Variants in SMAD7 observed in about 807,000 individuals in gnomAD.
SMAD7 encodes the protein SMAD family member 7, also known as MAD (mothers against decapentaplegic, Drosophila) homolog 7.
SMAD7 carries 8 observed loss-of-function variants against 38.7 expected under a neutral mutation model. The observed-to-expected ratio is 0.21, with a 90% confidence interval of 0.12 to 0.37. The LOEUF (loss-of-function observed/expected upper bound fraction) is 0.37, where lower values mean the gene tolerates loss of function less well. SMAD7 is among the 10% of genes least tolerant of loss of function. SMAD7 has a pLI of 1.00. For missense variants in SMAD7, 477 were observed against 577.9 expected (o/e 0.83, Z 1.79); for synonymous variants, 327 against 265.1 (o/e 1.23, Z -2.27).
At chr18:48,945,330 C>T (rs1342435887) in intron 2 of SMAD7, among the ~76,000 whole-genome samples, 9 of 152,104 alleles carry the variant, frequency 5.9e-5, no homozygotes, top group Admixed American at 2.6e-4. Flanking sequence ...GGCATGGTGA[C>T]GGGCACCTGT....
Position 48,943,101 on chromosome 18 carries a change from C to A in SMAD7, c.668-546G>T, listed in dbSNP as rs928077087. Among the ~76,000 whole-genome samples, 4 of 152,174 alleles carry A rather than the reference C, an allele frequency of 2.6e-5. No individual in the cohort carries two copies. In the South Asian group the frequency reaches 8.3e-4, roughly 32 times the overall value. On this transcript the variant is annotated intron_variant, in intron 2 of 3. Transcript: ENST00000262158. Reference sequence around the variant, plus strand: ...CAAAGTATACAAAATCCCAAGTAGACGCAATGAATGTTACTCATGTATACA... The same window carrying A: ...CAAAGTATACAAAATCCCAAGTAGAAGCAATGAATGTTACTCATGTATACA...
chr18:48,921,952 T>C lies in SMAD7; in HGVS notation c.743-42A>G, dbSNP rs550455834. On this transcript the variant is annotated intron_variant, in intron 3 of 3. Transcript: ENST00000262158. This position sits in a 1 kb window ranked among gnomAD's most constrained non-coding sequence, Gnocchi z 6.4. ...CAGAGAGGGTTAGTGGGGACAGGCATTGGTGACTCCTAGAATGAAGACACC... is the reference window on the plus strand; with the variant it reads ...CAGAGAGGGTTAGTGGGGACAGGCACTGGTGACTCCTAGAATGAAGACACC... 100 of 1,503,850 alleles carry C rather than the reference T, an allele frequency of 6.6e-5. 1 individual carries two copies. In the South Asian group the frequency reaches 1.2e-3, roughly 18 times the overall value. The allele number at this position is 1,503,850 out of a possible 1,614,324, so 93.2% of individuals were successfully genotyped here.
In SMAD7 at chr18:48,949,798, G is replaced by A. The variant is rs1226955782; in HGVS notation, c.613+14C>T. 1.3e-6 allele frequency: 2 copies of A among 1,589,578 alleles called. No individual in the cohort carries two copies. The highest frequency in any genetic ancestry group is 2.3e-5 in the South Asian group (2 of 87,984). On this transcript the variant is annotated intron_variant, in intron 1 of 3. Coordinates refer to ENST00000262158, the MANE Select transcript of SMAD7 (RefSeq NM_005904.4). Reference sequence around the variant, plus strand: ...GCTCCGGAAAATGTTGGGGGTAGGGGGACAACTTCTCACCTAGTTCGCAGA... The same window carrying A: ...GCTCCGGAAAATGTTGGGGGTAGGGAGACAACTTCTCACCTAGTTCGCAGA...
At chr18:48,930,723 ACATGAGG>A (rs1380613956) in intron 3 of SMAD7, among the ~76,000 whole-genome samples, 3 of 151,282 alleles carry the variant, frequency 2.0e-5, no homozygotes, top group Admixed American at 6.6e-5. Context: ...GTGTGCCGAC[ACATGAGG>A]CACAAGTCAA....
chr18:48,927,393 C>G (rs544986449), intron 3 of SMAD7, among the ~76,000 whole-genome samples: 3 of 152,012 alleles, frequency 2.0e-5, no homozygotes, highest in East Asian at 1.9e-4. Flanking sequence ...GCCACAGGGT[C>G]TCCTTCAAAG....
At chr18:48,948,296 AGCCTTT>A in intron 2 of SMAD7, 82 bp downstream of exon 2, 2 of 849,512 alleles carry the variant, frequency 2.4e-6, no homozygotes, top group Non-Finnish European at 3.8e-6. Context: ...CACCTCCCCA[AGCCTTT>A]GCCTACACAC....
At chr18:48,929,722 G>T (rs1288390987) in intron 3 of SMAD7, among the ~76,000 whole-genome samples, 2 of 152,038 alleles carry the variant, frequency 1.3e-5, no homozygotes, top group African/African-American at 4.8e-5. Context: ...GGGGGGCTCT[G>T]TGTGTGCAAG....
intron 1 of SMAD7, 47 bp downstream of exon 1, chr18:48,949,765 G>A: frequency 6.6e-7 from 1 of 1,522,018 alleles, no homozygotes; most frequent in Non-Finnish European, 8.8e-7. Context: ...TTTTCTTCCA[G>A]CACTGGCGCT....
intron 3 of SMAD7, among the ~76,000 whole-genome samples, chr18:48,927,217 T>C (rs1333683797): frequency 6.6e-6 from 1 of 152,092 alleles, no homozygotes; most frequent in African/African-American, 2.4e-5. Context: ...CAGAAAACAC[T>C]GGGGCCCAAC....
At chr18:48,925,443 A>C (rs200446156) in intron 3 of SMAD7, among the ~76,000 whole-genome samples, 30 of 122,490 alleles carry the variant, frequency 2.4e-4, no homozygotes, top group Admixed American at 6.6e-4. Context: ...CCCCCCCCCA[A>C]CCTTCCCCAT....
intron 3 of SMAD7, among the ~76,000 whole-genome samples, chr18:48,931,594 A>ATAGGGATATCTAAAAT (rs2070001429): frequency 6.6e-6 from 1 of 152,256 alleles, no homozygotes; most frequent in East Asian, 1.9e-4. Flanking sequence ...AAATGGAAGC[A>ATAGGGATATCTAAAAT]GTCTTTGGCT....
At chr18:48,923,941 T>G (rs2069894972) in intron 3 of SMAD7, among the ~76,000 whole-genome samples, 1 of 152,192 alleles carries the variant, frequency 6.6e-6, no homozygotes, top group Non-Finnish European at 1.5e-5. Flanking sequence ...CAACTGCTAA[T>G]AAACTTGTGA....
chr18:48,924,776 G>A (rs12956924), intron 3 of SMAD7, among the ~76,000 whole-genome samples: 44,815 of 151,902 alleles, frequency 0.3, 6,928 homozygotes, highest in South Asian at 0.54. Flanking sequence ...TCCTCCTGCC[G>A]GGACTATCTC....
chr18:48,941,564 G>A (rs993849752), intron 3 of SMAD7, among the ~76,000 whole-genome samples: 3 of 152,182 alleles, frequency 2.0e-5, no homozygotes, highest in Admixed American at 6.5e-5. Context: ...GCTACCACGT[G>A]ATCCTACAGG....
chr18:48,932,999 G>A (rs1036995286), intron 3 of SMAD7, among the ~76,000 whole-genome samples: 3 of 152,120 alleles, frequency 2.0e-5, no homozygotes, highest in African/African-American at 7.2e-5. Context: ...CTTCCACTCT[G>A]TGCTGTGCCC....
intron 3 of SMAD7, among the ~76,000 whole-genome samples, chr18:48,937,419 G>C (rs906582432): frequency 2.6e-5 from 4 of 152,140 alleles, no homozygotes; most frequent in African/African-American, 9.7e-5. Context: ...CTGGGGACAG[G>C]ATGCGTGAGG....
chr18:48,946,446 C>T (rs2070196893), intron 2 of SMAD7, among the ~76,000 whole-genome samples: 1 of 151,532 alleles, frequency 6.6e-6, no homozygotes, highest in Non-Finnish European at 1.5e-5. Context: ...GGGTGTGCTC[C>T]AGCTCCAGAC....
In SMAD7 at chr18:48,934,641, G is replaced by A. The variant is rs747974660; in HGVS notation, c.742+7840C>T. Among the ~76,000 whole-genome samples, 136 of 152,012 alleles carry A rather than the reference G, an allele frequency of 8.9e-4. 2 individuals carry two copies. Among genetic ancestry groups the A allele is most frequent in the African/African-American group, 3.1e-3 (128 of 41,438 alleles). On this transcript the variant is annotated intron_variant, in intron 3 of 3. Coordinates refer to ENST00000262158, the MANE Select transcript of SMAD7 (RefSeq NM_005904.4). ...TCTTTAGTAAAATGGGAAATAAGGC[G>A]GCAGTTAACATTTCAACTGAAGGTG...
chr18:48,936,685 G>A (rs1481933435), intron 3 of SMAD7, among the ~76,000 whole-genome samples: 1 of 152,134 alleles, frequency 6.6e-6, no homozygotes, highest in Non-Finnish European at 1.5e-5. Context: ...CAACTGCTTT[G>A]AGAGTGCTGC....
Sources: gnomAD v4.1 joint callset for allele counts (sites outside exome capture counted in the v4.1 genomes callset) on GRCh38, gnomAD v4.1.1 for gene constraint, Gnocchi (gnomAD v3.1) non-coding constraint, MANE v1.5 for transcripts, NCBI Gene and HGNC (gene_info 2026-07-23, HGNC 2026-07-21) for gene names.